OPN4: variants seen among roughly 807,000 people sequenced by gnomAD.
OPN4 encodes the protein opsin 4, also known as melanopsin.
Under a neutral mutation model 49.5 loss-of-function variants are expected in OPN4, and 43 were observed. The ratio of observed to expected loss-of-function variants is 0.87; its 90% confidence interval spans 0.68 to 1.12. The LOEUF is 1.12. Ranked by LOEUF, OPN4 falls within the 50% of genes most tolerant of loss-of-function variation. The pLI is 0.00. For missense variants in OPN4, 657 were observed against 643.9 expected (o/e 1.02, Z -0.22); for synonymous variants, 263 against 258.0 (o/e 1.02, Z -0.19).
Position 86,663,867 on chromosome 10 carries a change from G to T in OPN4, c.1398+65G>T, listed in dbSNP as rs35723943. ...GGGTTAGGGGCCAGTAGCCCAGGGA[G>T]AGGCCAGGAAAGAGAGACTTGTTCT... On this transcript the variant is annotated intron_variant, in intron 9 of 9. Coordinates refer to ENST00000241891, the MANE Select transcript of OPN4 (RefSeq NM_033282.4). The T allele has an allele frequency of 6.1e-4, 935 of 1,528,534 alleles. 6 individuals carry two copies. The African/African-American group carries it at 0.012, about 19-fold the overall frequency. 94.7% of individuals were successfully genotyped at this position (1,528,534 alleles called of 1,614,324 possible).
At chr10:86,660,148 C>T (rs1843969992) in intron 6 of OPN4, 89 bp downstream of exon 6, 1 of 1,435,208 alleles carries the variant, frequency 7.0e-7, no homozygotes, top group Non-Finnish European at 9.7e-7. Flanking sequence ...CCAGCCCAAC[C>T]CCGGCCAGCC....
chr10:86,658,312 G>T (rs1024652662), intron 3 of OPN4, 147 bp downstream of exon 3: 248 of 1,289,288 alleles, frequency 1.9e-4, no homozygotes, highest in Non-Finnish European at 2.6e-4. Flanking sequence ...TAAGCAAGAA[G>T]GGAAGATGCA....
chr10:86,658,341 C>T (rs1843917953), intron 3 of OPN4, 143 bp from the exon 4 acceptor site: 1 of 1,243,310 alleles, frequency 8.0e-7, no homozygotes, highest in South Asian at 1.4e-5. Context: ...CCTAAGGCCT[C>T]TGCCAGCCTT....
At chr10:86,661,785 C>A (rs1367046881) in intron 7 of OPN4, among the ~76,000 whole-genome samples, 4 of 140,458 alleles carry the variant, frequency 2.8e-5, no homozygotes, top group Non-Finnish European at 6.1e-5. Flanking sequence ...CCTGGGGTGG[C>A]TCTGGGCCAG....
intron 3 of OPN4, 46 bp from the exon 4 acceptor site, chr10:86,658,438 C>A: frequency 6.3e-7 from 1 of 1,597,894 alleles, no homozygotes; most frequent in Non-Finnish European, 8.6e-7. Context: ...CTACCCTGTC[C>A]CCAGACCCTC....
chr10:86,663,836 G>A, intron 9 of OPN4, 34 bp downstream of exon 9: 2 of 1,546,874 alleles, frequency 1.3e-6, no homozygotes, highest in Admixed American at 2.0e-5. Context: ...ATCCACAAAG[G>A]GGTGGGGGTT....
chr10:86,655,751 G>A (rs1354441263), intron 1 of OPN4, among the ~76,000 whole-genome samples: 1 of 152,216 alleles, frequency 6.6e-6, no homozygotes, highest in African/African-American at 2.4e-5. Context: ...GCGTCTAGAG[G>A]CCTCAAAAAC....
At chr10:86,659,085 T>C (rs889252210) in intron 4 of OPN4, among the ~76,000 whole-genome samples, 6 of 152,222 alleles carry the variant, frequency 3.9e-5, no homozygotes, top group African/African-American at 1.4e-4. Flanking sequence ...CTTGAAGTTA[T>C]GGTGAGCTTT....
chr10:86,665,883 A>T lies in OPN4; in HGVS notation c.*132A>T. 2 of 724,188 alleles carry T rather than the reference A, an allele frequency of 2.8e-6. No homozygotes were observed. The highest frequency in any genetic ancestry group is 3.4e-5 in the South Asian group (2 of 59,624). The allele number at this position is 724,188 out of a possible 1,614,324, so 44.9% of individuals were successfully genotyped here. A position where few individuals can be genotyped will look rare whatever the true frequency, so the allele number is the denominator to read the frequency against. On this transcript the variant is annotated 3_prime_UTR_variant, in exon 10 of 10. Transcript: ENST00000241891. ...GGCCCTGTCACCCGTGCTGCACGGG[A>T]TTCACAGCCCCAGCCCCATGGCCCC... is the stretch of plus-strand genomic sequence containing the variant.
chr10:86,660,650 G>T (rs1843980864), intron 6 of OPN4, among the ~76,000 whole-genome samples: 1 of 152,180 alleles, frequency 6.6e-6, no homozygotes, highest in Non-Finnish European at 1.5e-5. Flanking sequence ...GGGGTGGGGT[G>T]TGAGAAGAGC....
chr10:86,658,081 G>T lies in OPN4; in HGVS notation c.340G>T (p.Val114Phe), dbSNP rs776952356. ...PANMFIINLA[V>F]SDFLMSFTQA... The stretch of plus-strand genomic sequence containing the variant: ...CAACATGTTCATTATCAACCTCGCG[G>T]TCAGCGACTTCCTCATGTCCTTCAC... The change falls in exon 3 of 10, where the codon GTC becomes TTC. Residue 114 changes from valine to phenylalanine, a missense_variant. Coordinates refer to ENST00000241891, the MANE Select transcript of OPN4 (RefSeq NM_033282.4). The T allele has an allele frequency of 6.2e-7, 1 of 1,613,990 alleles. No homozygotes were observed. Among genetic ancestry groups the T allele is most frequent in the South Asian group, 1.1e-5 (1 of 91,060 alleles).
At chr10:86,662,128 C>T in intron 7 of OPN4, 124 bp from the exon 8 acceptor site, 1 of 767,784 alleles carries the variant, frequency 1.3e-6, no homozygotes, top group South Asian at 1.8e-5. Flanking sequence ...GGGTCTGAGC[C>T]TCCCCATTTC....
rs372899988 is a variant in OPN4, at chr10:86,659,280, C to A, written c.629-17C>A. Reference sequence around the variant, plus strand: ...TCAGTGCCGCCCCAAAGGCTGAGCACCTGCCCTGGCTCCCAGGCGCCTACG... The same window carrying A: ...TCAGTGCCGCCCCAAAGGCTGAGCAACTGCCCTGGCTCCCAGGCGCCTACG... On this transcript the variant is annotated splice_polypyrimidine_tract_variant and intron_variant, in intron 4 of 9. Transcript: ENST00000241891. 1.9e-6 allele frequency: 3 copies of A among 1,604,978 alleles called. No homozygotes were observed. Among genetic ancestry groups the A allele is most frequent in the Non-Finnish European group, 2.5e-6 (3 of 1,177,172 alleles).
rs1178575114 is a variant in OPN4 at position 86,661,403 on chromosome 10, C to T, written c.1073+15C>T. The T allele has an allele frequency of 6.3e-7, 1 of 1,594,962 alleles. No homozygotes were observed. ...CCCAAGTACAGGTGTGGCTCTTTTC[C>T]AGAACCCCACACCTTGGCCTCCAAG... On this transcript the variant is annotated intron_variant, in intron 7 of 9. Coordinates refer to ENST00000241891, the MANE Select transcript of OPN4 (RefSeq NM_033282.4).
chr10:86,657,281 G>A, intron 2 of OPN4: 2 of 775,544 alleles, frequency 2.6e-6, no homozygotes, highest in Non-Finnish European at 4.8e-6. Context: ...TGAGTGCTGT[G>A]CACCGGAGCA....
Position 86,659,878 on chromosome 10 carries a change from C to T in OPN4, c.801-17C>T, listed in dbSNP as rs575477571. ...CCACCCGACTAGGGTCAGACCTGGA[C>T]GATGCGTCCTTCCTAGGGCTCTCCA... On this transcript the variant is annotated splice_polypyrimidine_tract_variant and intron_variant, in intron 5 of 9. Transcript: ENST00000241891. 64 of 1,613,664 alleles carry T rather than the reference C, an allele frequency of 4.0e-5. No individual in the cohort carries two copies. The highest frequency in any genetic ancestry group is 9.9e-5 in the South Asian group (9 of 91,052).
At chr10:86,662,811 C>A (rs555996235) in intron 8 of OPN4, among the ~76,000 whole-genome samples, 3 of 152,370 alleles carry the variant, frequency 2.0e-5, no homozygotes, top group South Asian at 4.1e-4. Context: ...TAGCTTGGAG[C>A]TCCTTGCTCC....
At chr10:86,655,915 T>G (rs1045848691) in intron 1 of OPN4, among the ~76,000 whole-genome samples, 1 of 152,176 alleles carries the variant, frequency 6.6e-6, no homozygotes, top group Non-Finnish European at 1.5e-5. Context: ...CAGCAGGTGA[T>G]CTGAGCCCAC....
At chr10:86,657,558 C>T (rs1204190098) in intron 2 of OPN4, among the ~76,000 whole-genome samples, 2 of 152,102 alleles carry the variant, frequency 1.3e-5, no homozygotes, top group African/African-American at 4.8e-5. Context: ...CGTGAGAAGC[C>T]ATGGGAAAGC....
Sources: gnomAD v4.1 joint callset for allele counts (sites outside exome capture counted in the v4.1 genomes callset) on GRCh38, gnomAD v4.1.1 for gene constraint, MANE v1.5 for transcripts, NCBI Gene and HGNC (gene_info 2026-07-23, HGNC 2026-07-21) for gene names.